Variants in ZSWIM4 observed in about 807,000 individuals in gnomAD.
ZSWIM4 encodes zinc finger SWIM domain-containing protein 4.
ZSWIM4 carries 62 observed loss-of-function variants against 102.5 expected under a neutral mutation model. The observed-to-expected ratio is 0.60, with a 90% CI of 0.49 to 0.75. ZSWIM4 has a LOEUF of 0.75. Ranked by LOEUF, ZSWIM4 falls within the 30% of genes least tolerant of loss-of-function variation. The pLI, the probability that ZSWIM4 is intolerant of heterozygous loss-of-function variation, is 0.00. For missense variants in ZSWIM4, 1,280 were observed against 1,529.6 expected (o/e 0.84, Z 2.72); for synonymous variants, 652 against 674.5 (o/e 0.97, Z 0.52).
chr19:13,820,417 G>A (rs1464709982), intron 10 of ZSWIM4, among the ~76,000 whole-genome samples: 1 of 152,050 alleles, frequency 6.6e-6, no homozygotes, highest in African/African-American at 2.4e-5. Flanking sequence ...TGTATTTTTT[G>A]TAGAGACGGG....
chr19:13,824,046 TGAGAGAGAGGAGGCTGGGA>T (rs1365602478), intron 11 of ZSWIM4, among the ~76,000 whole-genome samples: 1 of 132,518 alleles, frequency 7.5e-6, no homozygotes, highest in East Asian at 2.2e-4. Context: ...GAGAGGAAAG[TGAGAGAGAGGAGGCTGGGA>T]GAGAGAGAGA....
intron 2 of ZSWIM4, among the ~76,000 whole-genome samples, chr19:13,801,166 A>C (rs1411625629): frequency 6.6e-6 from 1 of 150,888 alleles, no homozygotes; most frequent in Non-Finnish European, 1.5e-5. Flanking sequence ...AAAAAAAAAA[A>C]GGAAGAGAGG....
chr19:13,804,646 C>CAAA (rs55747876), intron 2 of ZSWIM4, 146 bp from the exon 3 acceptor site: 12 of 578,202 alleles, frequency 2.1e-5, no homozygotes, highest in African/African-American at 1.2e-4. Context: ...GATTTTGTTT[C>CAAA]AAAAAAAAAA....
chr19:13,805,828 G>A (rs1412661636), intron 3 of ZSWIM4, among the ~76,000 whole-genome samples: 2 of 151,558 alleles, frequency 1.3e-5, no homozygotes, highest in Admixed American at 6.6e-5. Context: ...AAAATTAGCC[G>A]GGCGTGGTGG....
In ZSWIM4 at chr19:13,809,261, C is replaced by T. The variant is rs779766883; in HGVS notation, c.1012+41C>T. Reference sequence around the variant, plus strand: ...CGGTGCGTGGTGGACACCGGGACTTCGGCTCCCATGGGGGCTGGCCCACTC... The same window carrying T: ...CGGTGCGTGGTGGACACCGGGACTTTGGCTCCCATGGGGGCTGGCCCACTC... On this transcript the variant is annotated intron_variant, in intron 5 of 13. Coordinates refer to ENST00000590508, the MANE Select transcript of ZSWIM4 (RefSeq NM_001367834.3). The surrounding 1 kb of genome is among the most constrained non-coding windows in gnomAD (Gnocchi z 4.2). 9.0e-6 allele frequency: 14 copies of T among 1,558,424 alleles called. No individual in the cohort carries two copies. The highest frequency in any genetic ancestry group is 1.1e-5 in the Non-Finnish European group (13 of 1,153,010).
At chr19:13,795,889 C>T (rs535386945) in intron 1 of ZSWIM4, 88 bp downstream of exon 1, 2 of 903,056 alleles carry the variant, frequency 2.2e-6, no homozygotes, top group South Asian at 1.1e-4. Flanking sequence ...CCCCAGACTC[C>T]AGAGCTAACC....
At chr19:13,796,838 C>T (rs911431921) in intron 1 of ZSWIM4, 1 of 152,422 alleles carries the variant, frequency 6.6e-6, no homozygotes, top group Non-Finnish European at 1.5e-5. Flanking sequence ...TGTCCAGCTT[C>T]AGGGGGCGTT....
At chr19:13,797,242 G>C (rs1297730616) in intron 1 of ZSWIM4, among the ~76,000 whole-genome samples, 1 of 152,208 alleles carries the variant, frequency 6.6e-6, no homozygotes, top group East Asian at 1.9e-4. Flanking sequence ...ACTTGCCCAA[G>C]GTCACCCAGC....
intron 2 of ZSWIM4, among the ~76,000 whole-genome samples, chr19:13,803,530 C>T (rs1044751684): frequency 1.3e-5 from 2 of 151,436 alleles, no homozygotes; most frequent in Non-Finnish European, 2.9e-5. Flanking sequence ...GCCTATAATC[C>T]CAGCACTTTG....
In ZSWIM4 at chr19:13,830,997, A is replaced by T. The variant is rs898558269; in HGVS notation, c.3268A>T (p.Thr1090Ser). The T allele has an allele frequency of 6.2e-7, 1 of 1,611,126 alleles. No homozygotes were observed. Among genetic ancestry groups the T allele is most frequent in the Non-Finnish European group, 8.5e-7 (1 of 1,179,026 alleles). The change falls in exon 14 of 14, where the codon ACC becomes TCC. Residue 1090 changes from threonine (T) to serine (S), a missense_variant. Physicochemically the swap from Thr to Ser is moderately conservative, Grantham distance 58 (BLOSUM62 1). Transcript: ENST00000590508. ...ACAGTTCTTGGAGAACCTCAAACAG[A>T]CCTACAAGGGCAAGAAGAAACTCAT... ...FSQFLENLKQ[T>S]YKGKKKLMLL...
In ZSWIM4 at chr19:13,825,578, G is replaced by A. The variant is rs1975583738; in HGVS notation, c.2244G>A (p.Leu748=). 3 of 1,614,180 alleles carry A rather than the reference G, an allele frequency of 1.9e-6. No individual in the cohort carries two copies. The highest frequency in any genetic ancestry group is 1.7e-6 in the Non-Finnish European group (2 of 1,180,022). The stretch of plus-strand genomic sequence containing the variant: ...ACCCCAAGTGGCTGCACACGGTACT[G>A]GGCTCCATCCAGCAGAACATCCACT... ...KGDPKWLHTV[L]GSIQQNIHSP... Residue 748 remains leucine (L), a synonymous_variant, in exon 12 of 14, where the codon CTG becomes CTA. Transcript: ENST00000590508. The surrounding 1 kb of genome is among the most constrained non-coding windows in gnomAD (Gnocchi z 4.6).
At chr19:13,799,995 G>A (rs527915527) in intron 2 of ZSWIM4, 74 bp downstream of exon 2, 90 of 1,467,070 alleles carry the variant, frequency 6.1e-5, no homozygotes, top group Non-Finnish European at 8.0e-5. Flanking sequence ...GGGAGTTGGA[G>A]GGAGGCCTGG....
chr19:13,819,851 T>G (rs987610273), intron 10 of ZSWIM4, among the ~76,000 whole-genome samples: 12 of 149,696 alleles, frequency 8.0e-5, no homozygotes, highest in Non-Finnish European at 1.2e-4. Flanking sequence ...TTTTTTGTTT[T>G]TTTTTTTTTT....
chr19:13,801,191 G>A (rs1019976816), intron 2 of ZSWIM4, among the ~76,000 whole-genome samples: 1 of 151,400 alleles, frequency 6.6e-6, no homozygotes, highest in Non-Finnish European at 1.5e-5. Context: ...GGCCACTCTA[G>A]GGACAAGGGT....
intron 1 of ZSWIM4, among the ~76,000 whole-genome samples, chr19:13,796,188 C>T (rs1296306362): frequency 2.0e-5 from 3 of 149,900 alleles, no homozygotes; most frequent in Admixed American, 6.6e-5. Context: ...TATCCCCCAA[C>T]GGTACCCCTC....
At chr19:13,822,153 C>CAA (rs1229036551) in intron 10 of ZSWIM4, among the ~76,000 whole-genome samples, 1 of 136,966 alleles carries the variant, frequency 7.3e-6, no homozygotes, top group East Asian at 2.1e-4. Context: ...CACACAAACA[C>CAA]ACACACACAT....
intron 2 of ZSWIM4, among the ~76,000 whole-genome samples, chr19:13,800,899 T>C (rs1215396542): frequency 6.6e-6 from 1 of 152,064 alleles, no homozygotes; most frequent in Non-Finnish European, 1.5e-5. Flanking sequence ...CTCAACACTT[T>C]GGGAGGCCAA....
rs758486796 is a variant in ZSWIM4 at position 13,815,456 on chromosome 19, A to ATTTTTTTTTT, written c.1531+614_1531+623dup. Reference sequence around the variant, plus strand: ...CAGGCTTGAGCCACCGTGCCTGGAAATTTTTTTTTTTTTTTTTTTTTTTTT... The same window carrying ATTTTTTTTTT: ...CAGGCTTGAGCCACCGTGCCTGGAAATTTTTTTTTTTTTTTTTTTTTTTTTTTTTTTTTTT... On this transcript the variant is annotated intron_variant, in intron 7 of 13. Coordinates refer to ENST00000590508, the MANE Select transcript of ZSWIM4 (RefSeq NM_001367834.3). The ATTTTTTTTTT allele has an allele frequency of 2.4e-4, 14 of 58,174 alleles. 1 individual carries two copies. Among genetic ancestry groups the ATTTTTTTTTT allele is most frequent in the African/African-American group, 8.6e-4 (11 of 12,738 alleles). 3.6% of individuals were successfully genotyped at this position (58,174 alleles called of 1,614,324 possible).
chr19:13,804,700 C>T (rs897153752), intron 2 of ZSWIM4, 92 bp from the exon 3 acceptor site: 11 of 1,040,124 alleles, frequency 1.1e-5, no homozygotes, highest in Admixed American at 6.9e-5. Flanking sequence ...TGAAGTGACT[C>T]GGCTGGGCTT....
Sources: allele counts gnomAD v4.1 joint callset (sites outside exome capture counted in the v4.1 genomes callset), GRCh38; gene constraint gnomAD v4.1.1; non-coding constraint Gnocchi (gnomAD v3.1); transcripts MANE v1.5; gene names NCBI Gene and HGNC (gene_info 2026-07-23, HGNC 2026-07-21).